The following DGKB variants were observed in gnomAD, a reference collection of about 807,000 sequenced individuals.
DGKB encodes diacylglycerol kinase beta.
DGKB carries 67 observed loss-of-function variants against 114.3 expected under a neutral mutation model. The ratio of observed to expected loss-of-function variants is 0.59; its 90% CI spans 0.48 to 0.72. The LOEUF (loss-of-function observed/expected upper bound fraction) is 0.72. Ranked by LOEUF, DGKB falls within the 30% of genes least tolerant of loss-of-function variation. The pLI, the probability that DGKB is intolerant of heterozygous loss-of-function variation, is 0.00. For missense variants in DGKB, 907 were observed against 975.2 expected, an observed-to-expected ratio of 0.93 and a Z score of 0.93; for synonymous variants, 398 against 323.1, an observed-to-expected ratio of 1.23 and a Z score of -2.49.
chr7:14,359,123 T>C (rs762824841), intron 21 of DGKB, among the ~76,000 whole-genome samples: 1 of 152,026 alleles, frequency 6.6e-6, no homozygotes, highest in Non-Finnish European at 1.5e-5. Context: ...TATATGTATA[T>C]AGAACAACGG....
intron 1 of DGKB, among the ~76,000 whole-genome samples, chr7:14,946,619 A>C (rs1431413668): frequency 1.3e-5 from 2 of 151,802 alleles, no homozygotes; most frequent in African/African-American, 4.8e-5. Flanking sequence ...TCATGTTTCC[A>C]AATGTCTTGC....
intron 20 of DGKB, among the ~76,000 whole-genome samples, chr7:14,512,950 T>C (rs1055101113): frequency 6.6e-6 from 1 of 152,084 alleles, no homozygotes; most frequent in South Asian, 2.1e-4. Context: ...CATTTATTCA[T>C]TCACCAAGTA....
intron 20 of DGKB, among the ~76,000 whole-genome samples, chr7:14,555,772 A>G (rs143317072): frequency 9.0e-4 from 137 of 152,328 alleles, no homozygotes; most frequent in African/African-American, 2.9e-3. Context: ...CAAGATGGTC[A>G]CAAGAGTGAT....
rs1301595194 is a variant in DGKB, at chr7:14,148,796, T to G, written c.*335A>C. The G allele has an allele frequency of 3.0e-6, 1 of 337,842 alleles. No homozygotes were observed. The highest frequency in any genetic ancestry group is 5.5e-6 in the Non-Finnish European group (1 of 181,980). The allele number at this position is 337,842 out of a possible 1,614,324, so 20.9% of individuals were successfully genotyped here. A position where few individuals can be genotyped will look rare whatever the true frequency, so the allele number is the denominator to read the frequency against. On this transcript the variant is annotated 3_prime_UTR_variant, in exon 26 of 26. Transcript: ENST00000402815. ...AATCACGTTTCCCATGGTATTTCCT[T>G]TTTCATGTTTCACGGGTTTTTCTCA...
In DGKB at chr7:14,583,047, A is replaced by C. The variant is rs1421685606; in HGVS notation, c.1519+5T>G. ...CCAGCCATATTAAGTATGTGTCTGC[A>C]TTACCTATGCAATCCAAAACCCAGC... On this transcript the variant is annotated splice_donor_5th_base_variant and intron_variant, in intron 18 of 25. Coordinates refer to ENST00000402815, the MANE Select transcript of DGKB (RefSeq NM_001350709.2). 1 of 1,596,396 alleles carries C rather than the reference A, an allele frequency of 6.3e-7. No homozygotes were observed. Among genetic ancestry groups the C allele is most frequent in the Admixed American group, 1.7e-5 (1 of 59,858 alleles).
At chr7:14,313,613 C>A (rs994630696) in intron 23 of DGKB, among the ~76,000 whole-genome samples, 1 of 152,176 alleles carries the variant, frequency 6.6e-6, no homozygotes, top group Non-Finnish European at 1.5e-5. Context: ...TATATCCGCA[C>A]CTGGCTCGGA....
intron 1 of DGKB, among the ~76,000 whole-genome samples, chr7:14,881,130 C>G (rs922516549): frequency 6.6e-6 from 1 of 152,140 alleles, no homozygotes; most frequent in Non-Finnish European, 1.5e-5. Context: ...CATTGCCAGA[C>G]TAGATGCTAC....
At chr7:14,860,550 T>C (rs1850823969) in intron 1 of DGKB, among the ~76,000 whole-genome samples, 1 of 151,992 alleles carries the variant, frequency 6.6e-6, no homozygotes, top group Admixed American at 6.6e-5. Flanking sequence ...CAAAGATATA[T>C]GCTCCATTCT....
chr7:14,370,802 A>G (rs988581520), intron 21 of DGKB, among the ~76,000 whole-genome samples: 6 of 152,020 alleles, frequency 3.9e-5, no homozygotes, highest in East Asian at 3.9e-4. Flanking sequence ...TAGTTTTTCA[A>G]CTCTTGTCCC....
chr7:14,649,758 G>A (rs2128895204), intron 13 of DGKB, among the ~76,000 whole-genome samples: 1 of 142,248 alleles, frequency 7.0e-6, no homozygotes, highest in East Asian at 2.1e-4. Flanking sequence ...CCCATCTCAT[G>A]TGCAGAGACA....
intron 13 of DGKB, among the ~76,000 whole-genome samples, chr7:14,653,929 C>T (rs2222592): frequency 0.78 from 119,007 of 151,998 alleles, 46,944 homozygotes; most frequent in African/African-American, 0.87. Flanking sequence ...ACTAACAGTA[C>T]ACTGAACAGA....
chr7:14,931,933 T>C (rs58471433), intron 1 of DGKB, among the ~76,000 whole-genome samples: 21,714 of 152,080 alleles, frequency 0.14, 1,647 homozygotes, highest in Admixed American at 0.2. Flanking sequence ...AGGAGTCCAT[T>C]CCCTGCTCAA....
intron 2 of DGKB, among the ~76,000 whole-genome samples, chr7:14,831,779 G>C (rs978175): frequency 0.9 from 137,076 of 152,128 alleles, 62,064 homozygotes; most frequent in East Asian, 1. Flanking sequence ...AATGGTCTTT[G>C]TTGTAAAATG....
chr7:14,154,695 A>C (rs559318186), intron 25 of DGKB, among the ~76,000 whole-genome samples: 13 of 151,796 alleles, frequency 8.6e-5, no homozygotes, highest in South Asian at 2.1e-4. Context: ...TAAAAAAAAA[A>C]CAAACAAACA....
chr7:14,514,252 C>T (rs553211408), intron 20 of DGKB, among the ~76,000 whole-genome samples: 20 of 152,012 alleles, frequency 1.3e-4, no homozygotes, highest in African/African-American at 4.8e-4. Flanking sequence ...ACATTTCCCC[C>T]CAAAATACAT....
At chr7:14,818,971 A>G (rs1844537917) in intron 2 of DGKB, among the ~76,000 whole-genome samples, 3 of 152,156 alleles carry the variant, frequency 2.0e-5, no homozygotes. Context: ...GATAGCAAAT[A>G]TTTAGTTATT....
At chr7:14,556,949 T>C (rs569353749) in intron 20 of DGKB, among the ~76,000 whole-genome samples, 35 of 152,340 alleles carry the variant, frequency 2.3e-4, no homozygotes, top group Admixed American at 3.9e-4. Context: ...CCAAGTTTAG[T>C]AGTTCTCTTA....
At position 14,525,063 on chromosome 7, in the gene DGKB, G is replaced by A. The variant is rs144660215; in HGVS notation, c.1771-46838C>T. Among the ~76,000 whole-genome samples, 852 of 151,996 alleles carry A rather than the reference G, an allele frequency of 5.6e-3. 7 individuals carry two copies. Among genetic ancestry groups the A allele is most frequent in the Middle Eastern group, 0.017 (5 of 294 alleles). ...CATCCTAGATTTCTCTCCATCTTGT[G>A]GCATCATTGAAGGCTTCCATAATAA... On this transcript the variant is annotated intron_variant, in intron 20 of 25. Coordinates refer to ENST00000402815, the MANE Select transcript of DGKB (RefSeq NM_001350709.2).
chr7:14,446,485 C>T (rs1004163705), intron 21 of DGKB, among the ~76,000 whole-genome samples: 2 of 152,100 alleles, frequency 1.3e-5, no homozygotes, highest in African/African-American at 4.8e-5. Context: ...TACTTAGGCA[C>T]ATGACATACA....
Sources: gnomAD v4.1 joint callset for allele counts (sites outside exome capture counted in the v4.1 genomes callset) on GRCh38, gnomAD v4.1.1 for gene constraint, MANE v1.5 for transcripts, NCBI Gene and HGNC (gene_info 2026-07-23, HGNC 2026-07-21) for gene names.